CLTCL1: variants seen among roughly 807,000 people sequenced by gnomAD.
The protein encoded by CLTCL1 is clathrin heavy chain like 1, also known as clathrin heavy chain 2.
In CLTCL1, 159 loss-of-function variants were observed where a neutral mutation model predicts 190.0. The ratio of observed to expected loss-of-function variants is 0.84; its 90% CI spans 0.74 to 0.95. The LOEUF (loss-of-function observed/expected upper bound fraction) is 0.95. Ranked by LOEUF, CLTCL1 falls within the 40% of genes least tolerant of loss-of-function variation. The pLI, the probability that CLTCL1 is intolerant of heterozygous loss-of-function variation, is 0.00. For missense variants in CLTCL1, 1,878 were observed against 2,033.4 expected, an observed-to-expected ratio of 0.92 and a Z score of 1.47; for synonymous variants, 752 against 769.6, an observed-to-expected ratio of 0.98 and a Z score of 0.38.
chr22:19,264,805 T>G lies in CLTCL1; in HGVS notation c.251-10578A>C, dbSNP rs538031109. On this transcript the variant is annotated intron_variant, in intron 2 of 32. Transcript: ENST00000427926. ...AAATTTCATGCAATTTTTTTTTTTTTGAGACAGAGTTTCGCTTTTGGGGCC... is the reference window on the plus strand; with the variant it reads ...AAATTTCATGCAATTTTTTTTTTTTGGAGACAGAGTTTCGCTTTTGGGGCC... Among the ~76,000 whole-genome samples, 6 of 152,210 alleles carry G rather than the reference T, an allele frequency of 3.9e-5. No individual in the cohort carries two copies. The South Asian group carries it at 6.2e-4, about 16-fold the overall frequency.
Position 19,233,264 on chromosome 22 carries a change from CGAGCA to C in CLTCL1, c.1418_1422del (p.Met473SerfsTer73). 6.2e-7 allele frequency: 1 copy of C among 1,613,944 alleles called. No homozygotes were observed. Among genetic ancestry groups the C allele is most frequent in the Non-Finnish European group, 8.5e-7 (1 of 1,179,856 alleles). On this transcript the variant is annotated frameshift_variant, in exon 9 of 33. Transcript: ENST00000427926. LOFTEE classifies it high-confidence loss of function. ...TTTGCCCGAAGGTACACACTCAGAGCGAGCATGGGGTCAGTGGTTTTGACCAAGTC... is the reference window on the plus strand; with the variant it reads ...TTTGCCCGAAGGTACACACTCAGAGCTGGGGTCAGTGGTTTTGACCAAGTC...
chr22:19,290,094 C>G (rs540863962), intron 1 of CLTCL1, among the ~76,000 whole-genome samples: 20 of 152,324 alleles, frequency 1.3e-4, no homozygotes, highest in Admixed American at 1.0e-3. Context: ...TGGAACATAT[C>G]AACTCTGATG....
At chr22:19,211,766 C>CAAAAAAA (rs66494838) in intron 19 of CLTCL1, among the ~76,000 whole-genome samples, 7 of 42,706 alleles carry the variant, frequency 1.6e-4, no homozygotes, top group African/African-American at 4.2e-4. Flanking sequence ...GATTGCATCT[C>CAAAAAAA]AAAAAAAAAA....
intron 2 of CLTCL1, among the ~76,000 whole-genome samples, chr22:19,273,658 AC>A (rs1192901065): frequency 1.3e-5 from 2 of 152,164 alleles, no homozygotes; most frequent in Non-Finnish European, 2.9e-5. Flanking sequence ...CTACTTCTTT[AC>A]CCATTATAGC....
chr22:19,249,110 G>C (rs1318963249), intron 3 of CLTCL1, among the ~76,000 whole-genome samples: 3 of 152,164 alleles, frequency 2.0e-5, no homozygotes, highest in African/African-American at 4.8e-5. Flanking sequence ...TATAATCCCA[G>C]CACTCTGGGA....
intron 16 of CLTCL1, 47 bp downstream of exon 16, chr22:19,221,904 C>CACTA: frequency 6.3e-7 from 1 of 1,598,984 alleles, no homozygotes; most frequent in East Asian, 2.2e-5. Flanking sequence ...CAACAACAGA[C>CACTA]ACTAGAATCC....
chr22:19,234,500 G>A lies in CLTCL1; in HGVS notation c.1167+9C>T, dbSNP rs782153591. 82 of 1,606,952 alleles carry A rather than the reference G, an allele frequency of 5.1e-5. No homozygotes were observed. The Admixed American group carries it at 8.0e-4, about 16-fold the overall frequency. On this transcript the variant is annotated intron_variant, in intron 7 of 32. Transcript: ENST00000427926. ...TCAGAACACTTGAACAGTATTCAAG[G>A]TTTATCACCTTTGGTGCAGACGCTG...
chr22:19,217,488 C>T (rs998317389), intron 18 of CLTCL1, among the ~76,000 whole-genome samples: 13 of 151,362 alleles, frequency 8.6e-5, no homozygotes, highest in African/African-American at 1.9e-4. Context: ...TGGTGGCGGG[C>T]GCCTGTAGTC....
chr22:19,222,419 G>A (rs782681270), intron 15 of CLTCL1, among the ~76,000 whole-genome samples: 3 of 152,200 alleles, frequency 2.0e-5, no homozygotes, highest in Admixed American at 6.5e-5. Context: ...GTCTGCAAGC[G>A]TGGGAGACAG....
chr22:19,220,062 T>G (rs939032556), intron 17 of CLTCL1, 55 bp from the exon 18 acceptor site: 1 of 1,610,014 alleles, frequency 6.2e-7, no homozygotes. Flanking sequence ...GGAAGCTGCT[T>G]GGGAGGACAC....
rs146607259 is a variant in CLTCL1 at position 19,279,647 on chromosome 22, T to C, written c.43-3817A>G. On this transcript the variant is annotated intron_variant, in intron 1 of 32. Coordinates refer to ENST00000427926, the MANE Select transcript of CLTCL1 (RefSeq NM_007098.4). ...TAAATCTTCATTTCAGCAAAGTATCTGGCTTACCTCTGCTGAGGTAGCCAA... is the reference window on the plus strand; with the variant it reads ...TAAATCTTCATTTCAGCAAAGTATCCGGCTTACCTCTGCTGAGGTAGCCAA... Among the ~76,000 whole-genome samples the C allele has an allele frequency of 2.6e-5, 4 of 152,356 alleles. No individual in the cohort carries two copies. The East Asian group carries it at 7.7e-4, about 29-fold the overall frequency.
rs1293252698 is a variant in CLTCL1 at position 19,221,402 on chromosome 22, C to T, written c.2771G>A (p.Gly924Glu). The T allele has an allele frequency of 1.3e-6, 2 of 1,554,716 alleles. No homozygotes were observed. The highest frequency in any genetic ancestry group is 1.7e-6 in the Non-Finnish European group (2 of 1,148,736). ...PHLACVAYER[G>E]QCDLELIKVC... ...CTTGATGAGCTCAAGGTCACACTGC[C>T]CCCGCTCATAGGCAACACAGGCCAG... is the stretch of plus-strand genomic sequence containing the variant. Residue 924 changes from glycine (G) to glutamate (E), a missense_variant, in exon 17 of 33, where the codon GGG becomes GAG. By Grantham distance (98) the Gly-to-Glu change is moderately conservative. Coordinates refer to ENST00000427926, the MANE Select transcript of CLTCL1 (RefSeq NM_007098.4).
Position 19,210,444 on chromosome 22 carries a change from ATGTACTCCATGACCCG to A in CLTCL1, c.3115_3130del (p.Arg1039SerfsTer34). 1 of 1,613,960 alleles carries A rather than the reference ATGTACTCCATGACCCG, an allele frequency of 6.2e-7. No homozygotes were observed. The highest frequency in any genetic ancestry group is 8.5e-7 in the Non-Finnish European group (1 of 1,179,894). ...TGCGTCATAGTTGTCCAGGCGGCTGATGTACTCCATGACCCGTGTGCGGTCTGCCTTGATGGCAGTC... is the reference window on the plus strand; with the variant it reads ...TGCGTCATAGTTGTCCAGGCGGCTGATGTGCGGTCTGCCTTGATGGCAGTC... On this transcript the variant is annotated frameshift_variant, in exon 20 of 33. Coordinates refer to ENST00000427926, the MANE Select transcript of CLTCL1 (RefSeq NM_007098.4). LOFTEE classifies it high-confidence loss of function.
In CLTCL1 at chr22:19,199,760, G is replaced by C. The variant is rs2084820707; in HGVS notation, c.3847C>G (p.Leu1283Val). The part of the protein sequence containing the change: ...GLHIVIHADE[L>V]EELMCYYQDR... ...TGGTAATAGCACATCAGCTCCTCCAGCTCATCTGCATGAATGACGATGTGA... is the reference window on the plus strand; with the variant it reads ...TGGTAATAGCACATCAGCTCCTCCACCTCATCTGCATGAATGACGATGTGA... Residue 1283 changes from leucine to valine, a missense_variant, in exon 24 of 33, where the codon CTG becomes GTG. Coordinates refer to ENST00000427926, the MANE Select transcript of CLTCL1 (RefSeq NM_007098.4). 6.3e-7 allele frequency: 1 copy of C among 1,592,424 alleles called. No individual in the cohort carries two copies. The highest frequency in any genetic ancestry group is 1.3e-5 in the African/African-American group (1 of 74,450).
chr22:19,233,512 C>G lies in CLTCL1; in HGVS notation c.1278G>C (p.Gln426His). Residue 426 changes from glutamine (Q) to histidine (H), a missense_variant, in exon 8 of 33, where the codon CAG (glutamine) becomes CAC (histidine). Transcript: ENST00000427926. Reference sequence around the variant, plus strand: ...GTTCTAAGGATTCAAGTTTATTGAGCTGACCCTGGTCGAGCAGGATTCCGA... The same window carrying G: ...GTTCTAAGGATTCAAGTTTATTGAGGTGACCCTGGTCGAGCAGGATTCCGA... ...QYFGILLDQG[Q>H]LNKLESLELC... The G allele has an allele frequency of 6.2e-7, 1 of 1,613,998 alleles. No individual in the cohort carries two copies. Among genetic ancestry groups the G allele is most frequent in the South Asian group, 1.1e-5 (1 of 91,086 alleles).
In CLTCL1 at chr22:19,179,929, T is replaced by A; in HGVS notation, c.*61A>T. The A allele has an allele frequency of 1.9e-6, 1 of 520,444 alleles. No individual in the cohort carries two copies. Among genetic ancestry groups the A allele is most frequent in the Admixed American group, 3.4e-5 (1 of 29,560 alleles). The allele number at this position is 520,444 out of a possible 1,614,324, so 32.2% of individuals were successfully genotyped here. A position where few individuals can be genotyped will look rare whatever the true frequency, so the allele number is the denominator to read the frequency against. On this transcript the variant is annotated 3_prime_UTR_variant, in exon 33 of 33. Transcript: ENST00000427926. ...TGGCGAAGTTGGGAGCAGAGGCATA[T>A]CCATAGGGGAAGCTGGCAGGGGCTG... is the stretch of plus-strand genomic sequence containing the variant.
chr22:19,251,611 C>T (rs1289030133), intron 3 of CLTCL1, among the ~76,000 whole-genome samples: 2 of 152,290 alleles, frequency 1.3e-5, no homozygotes, highest in Non-Finnish European at 2.9e-5. Context: ...CGCCCGCCAC[C>T]GTGCCCGGCT....
At chr22:19,190,690 G>A (rs2084468383) in intron 27 of CLTCL1, among the ~76,000 whole-genome samples, 1 of 151,104 alleles carries the variant, frequency 6.6e-6, no homozygotes, top group African/African-American at 2.4e-5. Context: ...ATCCTAAAAT[G>A]TGACACAGGG....
intron 3 of CLTCL1, among the ~76,000 whole-genome samples, chr22:19,248,992 T>C (rs996584467): frequency 2.6e-5 from 4 of 152,214 alleles, no homozygotes; most frequent in Non-Finnish European, 5.9e-5. Flanking sequence ...ATTGAACAAC[T>C]CCTCTTTTTT....
Sources: allele counts gnomAD v4.1 joint callset (sites outside exome capture counted in the v4.1 genomes callset), GRCh38; gene constraint gnomAD v4.1.1; transcripts MANE v1.5; gene names NCBI Gene and HGNC (gene_info 2026-07-23, HGNC 2026-07-21).